The following E4F1 variants were observed in gnomAD, a reference collection of about 807,000 sequenced individuals.
E4F1 encodes transcription factor E4F1.
E4F1 carries 30 observed loss-of-function variants against 72.9 expected under a neutral mutation model. The observed-to-expected ratio is 0.41, with a 90% CI of 0.31 to 0.56. E4F1 has a LOEUF of 0.56. Ranked by LOEUF, E4F1 falls within the 20% of genes least tolerant of loss-of-function variation. The pLI is 0.25. For synonymous variants in E4F1, 542 were observed against 478.2 expected (o/e 1.13, Z -1.74); for missense variants, 1,091 against 1,117.5 (o/e 0.98, Z 0.34).
At chr16:2,229,810 C>T in intron 3 of E4F1, 135 bp downstream of exon 3, 1 of 903,448 alleles carries the variant, frequency 1.1e-6, no homozygotes, top group Non-Finnish European at 1.7e-6. Flanking sequence ...CTCGTGGCAG[C>T]CTTTCTGCGG....
intron 3 of E4F1, chr16:2,231,907 G>C: frequency 6.2e-6 from 3 of 485,204 alleles, no homozygotes. Flanking sequence ...GCTCCATGGT[G>C]GGTCTCCCTG....
intron 1 of E4F1, among the ~76,000 whole-genome samples, chr16:2,225,801 A>AT (rs1348606135): frequency 4.1e-5 from 6 of 147,392 alleles, no homozygotes; most frequent in African/African-American, 1.6e-4. Flanking sequence ...GAAAAAAAAA[A>AT]AAAAAAAAAA....
chr16:2,231,776 A>C, intron 3 of E4F1: 1 of 192,008 alleles, frequency 5.2e-6, no homozygotes, highest in Non-Finnish European at 1.1e-5. Context: ...CATCCTCCCT[A>C]TGTTGGTGGG....
Position 2,232,926 on chromosome 16 carries a change from A to C in E4F1, c.883+18A>C. ...ACGTGCAGGTCAGCATGGTGCGGGC[A>C]GCTGCCTGGTCCTGGGGGCTGGCTG... On this transcript the variant is annotated intron_variant, in intron 6 of 13. Transcript: ENST00000301727. 1 of 1,613,118 alleles carries C rather than the reference A, an allele frequency of 6.2e-7. No individual in the cohort carries two copies. Among genetic ancestry groups the C allele is most frequent in the Non-Finnish European group, 8.5e-7 (1 of 1,179,940 alleles).
In E4F1 at chr16:2,232,846, C is replaced by T. The variant is rs934521424; in HGVS notation, c.821C>T (p.Thr274Ile). The T allele has an allele frequency of 1.2e-6, 2 of 1,613,516 alleles. No individual in the cohort carries two copies. Among genetic ancestry groups the T allele is most frequent in the East Asian group, 2.2e-5 (1 of 44,890 alleles). ...CACCTCAAGTCTCTCACCCCCTGCA[C>T]AGAGAAAATCCGCTTCAGTGTGAGC... ...TRHLKSLTPC[T>I]EKIRFSVSKD... Residue 274 changes from threonine to isoleucine, a missense_variant, in exon 6 of 14, where the codon ACA (threonine) becomes ATA (isoleucine). This residue lies in a region of E4F1 where 101 missense variants were observed against 97.4 expected (regional missense o/e 1.04). Coordinates refer to ENST00000301727, the MANE Select transcript of E4F1 (RefSeq NM_004424.5).
Position 2,228,362 on chromosome 16 carries a change from C to T in E4F1, c.158-10C>T, listed in dbSNP as rs533250705. On this transcript the variant is annotated splice_polypyrimidine_tract_variant and intron_variant, in intron 1 of 13. Transcript: ENST00000301727. ...CTTCCCAGGCCCTGCTGACAGCAGG[C>T]TCGTTGCAGATGAGGACGATGTGCA... 1 of 1,613,616 alleles carries T rather than the reference C, an allele frequency of 6.2e-7. No homozygotes were observed.
At position 2,232,838 on chromosome 16, in the gene E4F1, C is replaced by T; in HGVS notation, c.813C>T (p.Thr271=). The change falls in exon 6 of 14, where the codon ACC becomes ACT. Residue 271 remains threonine (T), a synonymous_variant. Transcript: ENST00000301727. ...GALTRHLKSL[T]PCTEKIRFSV... Reference sequence around the variant, plus strand: ...TGACCCGGCACCTCAAGTCTCTCACCCCCTGCACAGAGAAAATCCGCTTCA... The same window carrying T: ...TGACCCGGCACCTCAAGTCTCTCACTCCCTGCACAGAGAAAATCCGCTTCA... 3.7e-6 allele frequency: 6 copies of T among 1,613,484 alleles called. No individual in the cohort carries two copies. The highest frequency in any genetic ancestry group is 5.1e-6 in the Non-Finnish European group (6 of 1,180,014).
Position 2,228,399 on chromosome 16 carries a change from G to T in E4F1, c.185G>T (p.Arg62Leu). ...GAGGACGATGTGCACAGATGCGGCC[G>T]CTGCCAGGCAGAGTTCACCGCCTTG... ...EDEDDVHRCG[R>L]CQAEFTALED... is the part of the protein sequence containing the mutation. The change falls in exon 2 of 14, where the codon CGC becomes CTC. Residue 62 changes from arginine to leucine, a missense_variant. This residue lies in a region of E4F1 where 362 missense variants were observed against 358.6 expected (regional missense o/e 1.01). Coordinates refer to ENST00000301727, the MANE Select transcript of E4F1 (RefSeq NM_004424.5). 4 of 1,613,796 alleles carry T rather than the reference G, an allele frequency of 2.5e-6. No individual in the cohort carries two copies. The highest frequency in any genetic ancestry group is 3.4e-6 in the Non-Finnish European group (4 of 1,180,020).
Position 2,233,169 on chromosome 16 carries a change from G to A in E4F1, c.1042G>A (p.Ala348Thr), listed in dbSNP as rs530921933. The change falls in exon 7 of 14, where the codon GCC (alanine) becomes ACC (threonine). Residue 348 changes from alanine to threonine, a missense_variant. Physicochemically the swap from Ala to Thr is moderately conservative, Grantham distance 58. Transcript: ENST00000301727. ...QMQELSLGMK[A>T]LAPEPPVSQE... ...GCAGGAGCTGTCCCTGGGCATGAAA[G>A]CCCTGGCCCCAGAGGTGGGGGCGAC... The A allele has an allele frequency of 1.9e-6, 3 of 1,605,214 alleles. No individual in the cohort carries two copies. The highest frequency in any genetic ancestry group is 1.7e-6 in the Non-Finnish European group (2 of 1,174,242).
Position 2,234,690 on chromosome 16 carries a change from A to G in E4F1, c.1701A>G (p.Arg567=), listed in dbSNP as rs1039309970. 1.0e-5 allele frequency: 16 copies of G among 1,577,806 alleles called. No individual in the cohort carries two copies. Among genetic ancestry groups the G allele is most frequent in the Non-Finnish European group, 1.4e-5 (16 of 1,161,684 alleles). Reference sequence around the variant, plus strand: ...AGGGCTCACTGGTGCGGCACGTGCGACACCACACAGGCGAGAAGCCGTTCA... The same window carrying G: ...AGGGCTCACTGGTGCGGCACGTGCGGCACCACACAGGCGAGAAGCCGTTCA... ...REKGSLVRHV[R]HHTGEKPFKC... Residue 567 remains arginine, a synonymous_variant, in exon 11 of 14, where the codon CGA becomes CGG. Coordinates refer to ENST00000301727, the MANE Select transcript of E4F1 (RefSeq NM_004424.5).
intron 1 of E4F1, 196 bp from the exon 2 acceptor site, chr16:2,228,176 C>T: frequency 2.8e-6 from 2 of 709,758 alleles, no homozygotes; most frequent in Non-Finnish European, 4.9e-6. Flanking sequence ...CCCCTGCAGA[C>T]CTGCAGAGGA....
Position 2,229,676 on chromosome 16 carries a change from G to A in E4F1, c.415+1G>A, listed in dbSNP as rs370107044. ...ATCAGCCACGCATCTGACCTTGTTGGTAAGCCGACTTCCATGAATCGCTGG... is the reference window on the plus strand; with the variant it reads ...ATCAGCCACGCATCTGACCTTGTTGATAAGCCGACTTCCATGAATCGCTGG... On this transcript the variant is annotated splice_donor_variant, in intron 3 of 13. Coordinates refer to ENST00000301727, the MANE Select transcript of E4F1 (RefSeq NM_004424.5). LOFTEE classifies it high-confidence loss of function. 3 of 1,612,718 alleles carry A rather than the reference G, an allele frequency of 1.9e-6. No individual in the cohort carries two copies. The highest frequency in any genetic ancestry group is 2.5e-6 in the Non-Finnish European group (3 of 1,179,858).
chr16:2,226,804 G>A (rs938892583), intron 1 of E4F1, among the ~76,000 whole-genome samples: 2 of 152,234 alleles, frequency 1.3e-5, no homozygotes, highest in African/African-American at 2.4e-5. Flanking sequence ...CAGTGAGGGG[G>A]TGGTCTCTTC....
intron 6 of E4F1, 51 bp from the exon 7 acceptor site, chr16:2,232,960 G>A (rs1567302658): frequency 6.2e-7 from 1 of 1,612,120 alleles, no homozygotes; most frequent in East Asian, 2.2e-5. Flanking sequence ...TGTGGACGCA[G>A]CCGCCACTGG....
Position 2,228,541 on chromosome 16 carries a change from C to T in E4F1, c.309+18C>T, listed in dbSNP as rs747510999. 3 of 1,607,282 alleles carry T rather than the reference C, an allele frequency of 1.9e-6. No homozygotes were observed. The East Asian group carries it at 6.7e-5, about 36-fold the overall frequency. On this transcript the variant is annotated intron_variant, in intron 2 of 13. Coordinates refer to ENST00000301727, the MANE Select transcript of E4F1 (RefSeq NM_004424.5). ...GCCAGGAGGTGAGCCCTCACCCACT[C>T]CCCCATCCCCTCCCGGGTTCACCTG...
chr16:2,228,383 G>T lies in E4F1; in HGVS notation c.169G>T (p.Val57Leu). The change falls in exon 2 of 14, where the codon GTG becomes TTG. Residue 57 changes from valine (V) to leucine (L), a missense_variant. Physicochemically the swap from Val to Leu is conservative, Grantham distance 32. This residue lies in a region of E4F1 where 362 missense variants were observed against 358.6 expected (regional missense o/e 1.01). Coordinates refer to ENST00000301727, the MANE Select transcript of E4F1 (RefSeq NM_004424.5). The stretch of plus-strand genomic sequence containing the variant: ...CAGGCTCGTTGCAGATGAGGACGAT[G>T]TGCACAGATGCGGCCGCTGCCAGGC... ...APFSEEDEDD[V>L]HRCGRCQAEF... The T allele has an allele frequency of 6.2e-7, 1 of 1,613,838 alleles. No individual in the cohort carries two copies. Among genetic ancestry groups the T allele is most frequent in the Non-Finnish European group, 8.5e-7 (1 of 1,180,032 alleles).
At chr16:2,234,803 A>AGGGGG (rs1596772874) in intron 11 of E4F1, 22 bp downstream of exon 11, 2 of 320,866 alleles carry the variant, frequency 6.2e-6, no homozygotes, top group African/African-American at 8.2e-5. Context: ...TGGAGGTGGG[A>AGGGGG]GGGGGAGGGG....
intron 1 of E4F1, chr16:2,224,045 C>T: frequency 1.6e-6 from 2 of 1,228,364 alleles, no homozygotes; most frequent in East Asian, 3.2e-5. Flanking sequence ...TGTAGACATT[C>T]GCAGACGCCG....
chr16:2,235,589 T>C lies in E4F1; in HGVS notation c.*17T>C. 2 of 1,565,646 alleles carry C rather than the reference T, an allele frequency of 1.3e-6. No individual in the cohort carries two copies. Among genetic ancestry groups the C allele is most frequent in the Non-Finnish European group, 1.7e-6 (2 of 1,151,688 alleles). On this transcript the variant is annotated 3_prime_UTR_variant, in exon 14 of 14. Coordinates refer to ENST00000301727, the MANE Select transcript of E4F1 (RefSeq NM_004424.5). ...ATCGTCTAGCATGAGGTCTGCGGGG[T>C]CCTGGCCGGGCAGGGACAGGGCAGA...
Sources: gnomAD v4.1 joint callset for allele counts (sites outside exome capture counted in the v4.1 genomes callset) on GRCh38, gnomAD v4.1.1 for gene constraint, gnomAD v4.1.1 regional missense constraint, MANE v1.5 for transcripts, NCBI Gene and HGNC (gene_info 2026-07-23, HGNC 2026-07-21) for gene names.